PAH: variants seen among roughly 807,000 people sequenced by gnomAD.
The protein encoded by PAH is phenylalanine hydroxylase.
A neutral mutation model predicts 62.0 loss-of-function variants in PAH; 64 were observed. The ratio of observed to expected loss-of-function variants is 1.03; its 90% CI spans 0.84 to 1.27. The LOEUF (loss-of-function observed/expected upper bound fraction) is 1.27. Among genes scored for constraint, PAH ranks in the 50% most tolerant of loss-of-function variants. The pLI is 0.00. For missense variants in PAH, 579 were observed against 542.8 expected, an observed-to-expected ratio of 1.07 and a Z score of -0.66; for synonymous variants, 195 against 196.2, an observed-to-expected ratio of 0.99 and a Z score of 0.05.
chr12:102,886,419 T>A (rs1437071290), intron 3 of PAH, among the ~76,000 whole-genome samples: 5 of 152,158 alleles, frequency 3.3e-5, no homozygotes, highest in Non-Finnish European at 7.3e-5. Context: ...CCACCTAAAT[T>A]ACAACTACCC....
At chr12:102,840,642 C>T in intron 11 of PAH, 127 bp from the exon 12 acceptor site, 2 of 728,642 alleles carry the variant, frequency 2.7e-6, no homozygotes, top group Non-Finnish European at 5.1e-6. Flanking sequence ...GGGTCTTCAA[C>T]AGCCAGGGCT....
At chr12:102,931,085 T>C (rs2136749107) in intron 1 of PAH, among the ~76,000 whole-genome samples, 1 of 152,294 alleles carries the variant, frequency 6.6e-6, no homozygotes, top group East Asian at 1.9e-4. Flanking sequence ...AATTTATTAA[T>C]AAAAATATTA....
chr12:102,853,356 TCCCAG>T, intron 6 of PAH: 18 of 323,598 alleles, frequency 5.6e-5, no homozygotes, highest in South Asian at 1.6e-4. Context: ...GAACCTCATT[TCCCAG>T]AAGGGAAGAG....
At position 102,840,410 on chromosome 12, in the gene PAH, A is replaced by T. The variant is rs748303375; in HGVS notation, c.1305T>A (p.Asp435Glu). 6.2e-7 allele frequency: 1 copy of T among 1,611,760 alleles called. No individual in the cohort carries two copies. Among genetic ancestry groups the T allele is most frequent in the Non-Finnish European group, 8.5e-7 (1 of 1,177,884 alleles). ...GTGTAAATTACTTACTGTTAATGGA[A>T]TCAGCCAAAATCTTAAGCTGCTGGG... Reference protein sequence around the residue: ...DNTQQLKILADSINSEIGILC... With the variant: ...DNTQQLKILAESINSEIGILC... The change falls in exon 12 of 13, where the codon GAT becomes GAA. Residue 435 changes from aspartate to glutamate, a missense_variant. Asp to Glu is a conservative substitution (Grantham distance 45). Coordinates refer to ENST00000553106, the MANE Select transcript of PAH (RefSeq NM_000277.3).
intron 1 of PAH, among the ~76,000 whole-genome samples, chr12:102,935,003 C>T (rs577945388): frequency 6.6e-6 from 1 of 152,172 alleles, no homozygotes; most frequent in African/African-American, 2.4e-5. Context: ...TTCAGTCTTT[C>T]CCCATTCAGC....
intron 6 of PAH, 26 bp downstream of exon 6, chr12:102,855,110 G>A (rs758899000): frequency 5.7e-6 from 9 of 1,588,452 alleles, no homozygotes; most frequent in African/African-American, 1.3e-5. Flanking sequence ...CTTTCTGCAG[G>A]GCCATTGACC....
chr12:102,895,416 T>A (rs974977486), intron 2 of PAH, among the ~76,000 whole-genome samples: 3 of 152,196 alleles, frequency 2.0e-5, no homozygotes, highest in Non-Finnish European at 2.9e-5. Flanking sequence ...ATTCCTCAGT[T>A]TTTCCATCTG....
rs76273761 is a variant in PAH at position 102,930,601 on chromosome 12, C to A, written c.-95-13376G>T. On this transcript the variant is annotated intron_variant, in intron 1 of 3. Transcript: ENST00000546844. ...TTATAAGAGTTGTTTTGCTGGCTGT[C>A]TAGGTGTAAGAAGAGATTCCAGAAC... 5.1e-3 allele frequency among the ~76,000 whole-genome samples: 775 copies of A among 152,276 alleles called. 4 individuals carry two copies. The highest frequency in any genetic ancestry group is 0.017 in the African/African-American group (722 of 41,544).
At chr12:102,844,224 G>T in intron 10 of PAH, 112 bp downstream of exon 10, 1 of 763,882 alleles carries the variant, frequency 1.3e-6, no homozygotes. Flanking sequence ...TGAGTTCCCA[G>T]GTTGCATATC....
At chr12:102,945,131 A>C (rs1402984060) in intron 1 of PAH, 2 of 152,246 alleles carry the variant, frequency 1.3e-5, no homozygotes, top group Non-Finnish European at 2.9e-5. Context: ...AGAGTCTCTC[A>C]CTCTGTGCTG....
intron 3 of PAH, among the ~76,000 whole-genome samples, chr12:102,887,131 G>A (rs1196799597): frequency 6.6e-6 from 1 of 152,114 alleles, no homozygotes; most frequent in Non-Finnish European, 1.5e-5. Context: ...GAGGCTATTG[G>A]TTTTGAGTAT....
At chr12:102,845,854 C>T (rs182209568) in intron 9 of PAH, among the ~76,000 whole-genome samples, 3 of 152,248 alleles carry the variant, frequency 2.0e-5, no homozygotes, top group Admixed American at 6.5e-5. Flanking sequence ...AACATTTTTT[C>T]AATCAGTAAC....
chr12:102,884,606 A>G (rs7970576), intron 3 of PAH, among the ~76,000 whole-genome samples: 13,022 of 152,126 alleles, frequency 0.086, 1,879 homozygotes, highest in African/African-American at 0.3. Context: ...TGGGGTGGGA[A>G]GAAACTGACC....
At position 102,908,222 on chromosome 12, in the gene PAH, A is replaced by G. The variant is rs1878057595; in HGVS notation, c.168+4569T>C. The stretch of plus-strand genomic sequence containing the variant: ...CTCCCTACCACCCCCTGCAGCCCCG[A>G]CACACACACACACACACACACACAC... On this transcript the variant is annotated intron_variant, in intron 2 of 12. Coordinates refer to ENST00000553106, the MANE Select transcript of PAH (RefSeq NM_000277.3). Among the ~76,000 whole-genome samples the G allele has an allele frequency of 5.4e-5, 4 of 74,144 alleles. No homozygotes were observed. In the Admixed American group the frequency reaches 7.4e-4, roughly 14 times the overall value. The allele number at this position is 74,144 out of a possible 152,430, so 48.6% of individuals were successfully genotyped here.
chr12:102,876,029 G>A (rs1343952844), intron 4 of PAH, among the ~76,000 whole-genome samples: 1 of 145,232 alleles, frequency 6.9e-6, no homozygotes, highest in Non-Finnish European at 1.5e-5. Flanking sequence ...AGAATAGTGT[G>A]ATAATAGGTG....
chr12:102,934,661 T>C (rs1879036172), intron 1 of PAH, among the ~76,000 whole-genome samples: 1 of 152,072 alleles, frequency 6.6e-6, no homozygotes, highest in Non-Finnish European at 1.5e-5. Context: ...CTCCTAGGTA[T>C]TTTATTTTAT....
intron 1 of PAH, among the ~76,000 whole-genome samples, chr12:102,937,553 T>C (rs1879143933): frequency 6.6e-6 from 1 of 152,216 alleles, no homozygotes; most frequent in Non-Finnish European, 1.5e-5. Flanking sequence ...TTTAAAACTC[T>C]ACACTTTAAC....
chr12:102,904,352 A>T (rs1449050647), intron 2 of PAH, among the ~76,000 whole-genome samples: 1 of 152,230 alleles, frequency 6.6e-6, no homozygotes, highest in Non-Finnish European at 1.5e-5. Flanking sequence ...TAACTCTAAA[A>T]CAGCATGAGT....
intron 3 of PAH, among the ~76,000 whole-genome samples, chr12:102,890,130 A>G (rs1335441708): frequency 6.6e-6 from 1 of 152,204 alleles, no homozygotes; most frequent in Non-Finnish European, 1.5e-5. Flanking sequence ...TAAGAAACTG[A>G]AAAACTTTTA....
Sources: gnomAD v4.1 joint callset for allele counts (sites outside exome capture counted in the v4.1 genomes callset) on GRCh38, gnomAD v4.1.1 for gene constraint, MANE v1.5 for transcripts, NCBI Gene and HGNC (gene_info 2026-07-23, HGNC 2026-07-21) for gene names.